BCOR: variants seen among roughly 807,000 people sequenced by gnomAD.
BCOR encodes the protein BCL6 corepressor.
Under a neutral mutation model 86.7 loss-of-function variants are expected in BCOR, and 10 were observed. The ratio of observed to expected loss-of-function variants is 0.12; its 90% CI spans 0.07 to 0.20. BCOR has a LOEUF of 0.20. Among genes scored for constraint, BCOR ranks in the 10% least tolerant of loss-of-function variants. BCOR has a pLI of 1.00. For synonymous variants in BCOR, 611 were observed against 609.0 expected (o/e 1.00, Z -0.05); for missense variants, 1,259 against 1,452.1 (o/e 0.87, Z 2.16).
intron 1 of BCOR, among the ~76,000 whole-genome samples, chrX:40,155,951 ACT>A (rs761698487): frequency 3.8e-3 from 430 of 111,877 alleles, no homozygotes; most frequent in Middle Eastern, 9.4e-3. Flanking sequence ...GGCGCTCATA[ACT>A]CTCCAAGTTC....
intron 1 of BCOR, among the ~76,000 whole-genome samples, chrX:40,120,113 C>T (rs982413065): frequency 2.7e-5 from 3 of 111,569 alleles, no homozygotes; most frequent in African/African-American, 9.8e-5. Flanking sequence ...CTTGGCAGCA[C>T]TTCATCATGG....
At chrX:40,125,832 C>G (rs1937531772) in intron 1 of BCOR, among the ~76,000 whole-genome samples, 1 of 112,036 alleles carries the variant, frequency 8.9e-6, no homozygotes, top group South Asian at 3.6e-4. Context: ...GCTGTCACAG[C>G]TGAGTGTGTT....
intron 1 of BCOR, among the ~76,000 whole-genome samples, chrX:40,111,693 G>A (rs1280450490): frequency 8.9e-6 from 1 of 112,042 alleles, no homozygotes; most frequent in Admixed American, 9.5e-5. Context: ...AAACAAAATA[G>A]GGGGGAATAT....
At chrX:40,120,870 G>C (rs746392455) in intron 1 of BCOR, among the ~76,000 whole-genome samples, 1 of 111,872 alleles carries the variant, frequency 8.9e-6, no homozygotes, top group Non-Finnish European at 1.9e-5. Context: ...GCAGGGTGTG[G>C]GGAGAAGGAT....
intron 1 of BCOR, among the ~76,000 whole-genome samples, chrX:40,094,656 G>A (rs1260875299): frequency 1.8e-5 from 2 of 113,445 alleles, no homozygotes; most frequent in African/African-American, 6.4e-5. Context: ...GCGAGCGGGA[G>A]CGAGTTAAAG....
At chrX:40,104,389 G>C (rs889986562) in intron 1 of BCOR, among the ~76,000 whole-genome samples, 1 of 112,075 alleles carries the variant, frequency 8.9e-6, no homozygotes, top group African/African-American at 3.2e-5. Context: ...AGCCGAACCG[G>C]ACCCTCGGGG....
At chrX:40,129,064 C>T (rs1699154663) in intron 1 of BCOR, among the ~76,000 whole-genome samples, 1 of 111,809 alleles carries the variant, frequency 8.9e-6, no homozygotes, top group African/African-American at 3.3e-5. Flanking sequence ...AGAGGTTAAG[C>T]GGCTCTCCTG....
chrX:40,073,712 G>C lies in BCOR; in HGVS notation c.1634C>G (p.Pro545Arg), dbSNP rs149621463. ...AIPQQRSSSC[P>R]RMGGTDAVIT... ...GACAGCATCGGTGCCGCCCATGCGC[G>C]GGCATGATGAACTCCGCTGCTGTGG... is the stretch of plus-strand genomic sequence containing the variant. Residue 545 changes from proline to arginine, a missense_variant, in exon 4 of 15, where the codon CCG becomes CGG. Coordinates refer to ENST00000378444, the MANE Select transcript of BCOR (RefSeq NM_001123385.2). The C allele has an allele frequency of 2.5e-6, 3 of 1,212,635 alleles. No homozygotes were observed. Among genetic ancestry groups the C allele is most frequent in the Non-Finnish European group, 3.3e-6 (3 of 895,660 alleles).
At chrX:40,139,383 T>A (rs752701761) in intron 1 of BCOR, among the ~76,000 whole-genome samples, 36 of 24,148 alleles carry the variant, frequency 1.5e-3, no homozygotes, top group African/African-American at 5.3e-3. Flanking sequence ...TATATATATA[T>A]AATATATATA....
At chrX:40,108,619 G>A (rs774749328) in intron 1 of BCOR, among the ~76,000 whole-genome samples, 10 of 113,578 alleles carry the variant, frequency 8.8e-5, no homozygotes, top group Middle Eastern at 4.6e-3. Context: ...ACCTTGCCTG[G>A]CCAGGCAGGT....
At chrX:40,165,809 TGA>T (rs1437158667) in intron 1 of BCOR, among the ~76,000 whole-genome samples, 4 of 111,670 alleles carry the variant, frequency 3.6e-5, no homozygotes, top group Non-Finnish European at 7.5e-5. Flanking sequence ...TTGCTTTGTT[TGA>T]GAGAGTCTCA....
intron 1 of BCOR, among the ~76,000 whole-genome samples, chrX:40,160,469 C>T (rs1349942995): frequency 2.0e-5 from 2 of 101,025 alleles, no homozygotes; most frequent in Non-Finnish European, 4.0e-5. Flanking sequence ...CTCTGTCACC[C>T]AGGCTGGGCT....
chrX:40,075,733 C>T (rs1267539381), intron 3 of BCOR, among the ~76,000 whole-genome samples: 2 of 110,782 alleles, frequency 1.8e-5, no homozygotes, highest in Non-Finnish European at 3.8e-5. Context: ...CACTCCAGGC[C>T]GGGCGACACA....
At chrX:40,172,754 C>T (rs1938655870) in intron 1 of BCOR, among the ~76,000 whole-genome samples, 1 of 113,171 alleles carries the variant, frequency 8.8e-6, no homozygotes, top group Admixed American at 9.2e-5. Flanking sequence ...ATCTAGCCAG[C>T]TCCGCGGGAG....
At position 40,074,643 on chromosome X, in the gene BCOR, A is replaced by G. The variant is rs1935696538; in HGVS notation, c.703T>C (p.Ser235Pro). 1 of 1,210,509 alleles carries G rather than the reference A, an allele frequency of 8.3e-7. No homozygotes were observed. The highest frequency in any genetic ancestry group is 1.7e-5 in the African/African-American group (1 of 57,290). Residue 235 changes from serine to proline, a missense_variant, in exon 4 of 15, where the codon TCT (serine) becomes CCT (proline). Physicochemically the swap from Ser to Pro is moderately conservative, Grantham distance 74. Around this residue, in one of 7 missense-constraint regions of BCOR, gnomAD observed 6 missense variants for 23.4 expected, o/e 0.26. Transcript: ENST00000378444. ...QSYSLAQPLY[S>P]PVCTNGERFL... ...CGCTCCCCATTGGTGCAGACTGGAG[A>G]ATACAGCGGCTGGGCCAAGCTGTAG...
chrX:40,061,401 T>C (rs1934860754), intron 10 of BCOR, among the ~76,000 whole-genome samples: 1 of 111,550 alleles, frequency 9.0e-6, no homozygotes, highest in Admixed American at 9.5e-5. Context: ...ATGTAACGCC[T>C]CTGGGACTCA....
intron 1 of BCOR, among the ~76,000 whole-genome samples, chrX:40,167,978 C>T (rs1569201996): frequency 8.9e-6 from 1 of 112,732 alleles, no homozygotes; most frequent in Non-Finnish European, 1.9e-5. Context: ...CGATTCCCCG[C>T]TACCTACGCT....
intron 1 of BCOR, among the ~76,000 whole-genome samples, chrX:40,126,778 C>T (rs1937549865): frequency 9.2e-6 from 1 of 108,633 alleles, no homozygotes; most frequent in Non-Finnish European, 1.9e-5. Flanking sequence ...TTGCTTGAGC[C>T]TGAGAGGTGG....
At chrX:40,099,846 T>C (rs181031440), upstream of BCOR, among the ~76,000 whole-genome samples, 1 of 112,181 alleles carries the variant, frequency 8.9e-6, no homozygotes, top group Admixed American at 9.4e-5. Flanking sequence ...TTATAACAAC[T>C]GATGCAAAAG....
Sources: gnomAD v4.1 joint callset for allele counts (sites outside exome capture counted in the v4.1 genomes callset) on GRCh38, gnomAD v4.1.1 for gene constraint, gnomAD v4.1.1 regional missense constraint, MANE v1.5 for transcripts, NCBI Gene and HGNC (gene_info 2026-07-23, HGNC 2026-07-21) for gene names.